NOVA1: variants seen among roughly 807,000 people sequenced by gnomAD.
NOVA1 encodes the protein RNA-binding protein Nova-1.
In NOVA1, 7 loss-of-function variants were observed where a neutral mutation model predicts 38.0. That is an observed-to-expected ratio of 0.18 (90% CI 0.10 to 0.35). The LOEUF (loss-of-function observed/expected upper bound fraction) is 0.35. NOVA1 is among the 10% of genes least tolerant of loss of function. The pLI, the probability that NOVA1 is intolerant of heterozygous loss-of-function variation, is 1.00. For missense variants in NOVA1, 460 were observed against 616.0 expected (o/e 0.75, Z 2.68); for synonymous variants, 270 against 232.5 (o/e 1.16, Z -1.47).
chr14:26,478,029 C>T (rs1364757803), intron 3 of NOVA1, among the ~76,000 whole-genome samples: 1 of 151,930 alleles, frequency 6.6e-6, no homozygotes, highest in African/African-American at 2.4e-5. Context: ...AACAATACTT[C>T]TAATTCCATG....
At chr14:26,514,809 T>C (rs61986514) in intron 2 of NOVA1, among the ~76,000 whole-genome samples, 6,237 of 144,244 alleles carry the variant, frequency 0.043, 189 homozygotes, top group South Asian at 0.1. Context: ...TACATATGAA[T>C]TGAGACAAAC....
chr14:26,553,730 A>G (rs2138653278), intron 2 of NOVA1, among the ~76,000 whole-genome samples: 1 of 152,286 alleles, frequency 6.6e-6, no homozygotes, highest in East Asian at 1.9e-4. Flanking sequence ...AAATTGAGAA[A>G]GAATAGAAAA....
At chr14:26,593,321 G>A (rs964034184) in intron 2 of NOVA1, 1 of 151,782 alleles carries the variant, frequency 6.6e-6, no homozygotes. Flanking sequence ...GAAGACTTGT[G>A]GTCAAGTGCG....
intron 4 of NOVA1, among the ~76,000 whole-genome samples, chr14:26,456,789 C>T (rs975041314): frequency 6.6e-6 from 1 of 151,824 alleles, no homozygotes; most frequent in Non-Finnish European, 1.5e-5. Context: ...GTACAATGAA[C>T]ACTAGTACAC....
At chr14:26,536,333 T>A (rs1306034790) in intron 2 of NOVA1, among the ~76,000 whole-genome samples, 1 of 152,016 alleles carries the variant, frequency 6.6e-6, no homozygotes, top group African/African-American at 2.4e-5. Flanking sequence ...ATATCTTAAC[T>A]GTATATTTTA....
intron 4 of NOVA1, among the ~76,000 whole-genome samples, chr14:26,453,586 C>G (rs938729393): frequency 6.6e-6 from 1 of 151,952 alleles, no homozygotes; most frequent in Non-Finnish European, 1.5e-5. Context: ...TTTAAAAATA[C>G]CACATAAACT....
At chr14:26,579,053 C>CT (rs869075814) in intron 2 of NOVA1, among the ~76,000 whole-genome samples, 1,896 of 80,086 alleles carry the variant, frequency 0.024, 250 homozygotes, top group African/African-American at 0.082. Context: ...AGGTGGTATT[C>CT]TTTTTTTTTT....
intron 2 of NOVA1, among the ~76,000 whole-genome samples, chr14:26,494,824 G>C (rs74042412): frequency 0.014 from 2,126 of 152,024 alleles, 43 homozygotes; most frequent in African/African-American, 0.047. Flanking sequence ...TGTCCATCTT[G>C]GTTCACTATT....
chr14:26,528,179 TC>T (rs892621553), intron 2 of NOVA1, among the ~76,000 whole-genome samples: 19 of 152,124 alleles, frequency 1.2e-4, no homozygotes, highest in Non-Finnish European at 2.2e-4. Context: ...CCCTGGAAAA[TC>T]AGGGTGCTGG....
chr14:26,490,641 G>T (rs1245812209), intron 2 of NOVA1, among the ~76,000 whole-genome samples: 1 of 152,056 alleles, frequency 6.6e-6, no homozygotes, highest in Non-Finnish European at 1.5e-5. Context: ...TTTCTTTAGA[G>T]AAATATCTGT....
chr14:26,506,882 C>T (rs1432764825), intron 2 of NOVA1, among the ~76,000 whole-genome samples: 2 of 152,108 alleles, frequency 1.3e-5, no homozygotes, highest in Non-Finnish European at 2.9e-5. Flanking sequence ...GCCAGGCCAA[C>T]AACTGTTCTT....
intron 1 of NOVA1, chr14:26,596,680 T>C: frequency 7.8e-7 from 1 of 1,288,934 alleles, no homozygotes; most frequent in Non-Finnish European, 1.0e-6. Flanking sequence ...GGATGTTAAC[T>C]AACAAGTCAC....
At chr14:26,486,155 C>T (rs1246728947) in intron 2 of NOVA1, among the ~76,000 whole-genome samples, 1 of 152,048 alleles carries the variant, frequency 6.6e-6, no homozygotes, top group Admixed American at 6.6e-5. Flanking sequence ...AAATATCTTG[C>T]AATATATATT....
intron 4 of NOVA1, among the ~76,000 whole-genome samples, chr14:26,470,773 T>C (rs534282939): frequency 1.4e-4 from 21 of 151,910 alleles, no homozygotes; most frequent in Non-Finnish European, 2.4e-4. Context: ...ATTAAGGAGG[T>C]TTTCTTTTCT....
intron 2 of NOVA1, among the ~76,000 whole-genome samples, chr14:26,485,602 T>A (rs1885822444): frequency 6.6e-6 from 1 of 152,146 alleles, no homozygotes; most frequent in Non-Finnish European, 1.5e-5. Context: ...ACTGTTTAGA[T>A]ACCTGAGACA....
chr14:26,449,030 T>A (rs909831242), intron 4 of NOVA1, 67 bp from the exon 5 acceptor site: 5 of 1,400,568 alleles, frequency 3.6e-6, no homozygotes, highest in Admixed American at 4.6e-5. Flanking sequence ...ATTACTTTGC[T>A]ATCCTAGAAA....
intron 2 of NOVA1, among the ~76,000 whole-genome samples, chr14:26,541,048 T>C (rs564590375): frequency 6.6e-6 from 1 of 152,108 alleles, no homozygotes; most frequent in Non-Finnish European, 1.5e-5. Context: ...AATTGGATGA[T>C]ATTTAAGTAA....
At chr14:26,473,290 C>T (rs1333459552) in intron 3 of NOVA1, among the ~76,000 whole-genome samples, 2 of 151,238 alleles carry the variant, frequency 1.3e-5, no homozygotes, top group East Asian at 2.0e-4. Flanking sequence ...AACAGAAATA[C>T]CTTAAAAGTG....
At chr14:26,545,010 G>C (rs1890704344) in intron 2 of NOVA1, among the ~76,000 whole-genome samples, 1 of 151,986 alleles carries the variant, frequency 6.6e-6, no homozygotes, top group South Asian at 2.1e-4. Flanking sequence ...AATCCAAATT[G>C]CTTTACTTAA....
Sources: allele counts gnomAD v4.1 joint callset (sites outside exome capture counted in the v4.1 genomes callset), GRCh38; gene constraint gnomAD v4.1.1; transcripts MANE v1.5; gene names NCBI Gene and HGNC (gene_info 2026-07-23, HGNC 2026-07-21).